Variants in PLOD1 observed in about 807,000 individuals in gnomAD.
PLOD1 encodes the protein procollagen-lysine,2-oxoglutarate 5-dioxygenase 1.
In PLOD1, 70 loss-of-function variants were observed where a neutral mutation model predicts 94.7. The ratio of observed to expected loss-of-function variants is 0.74; its 90% CI spans 0.61 to 0.90. The LOEUF is 0.90. Ranked by LOEUF, PLOD1 falls within the 40% of genes least tolerant of loss-of-function variation. The pLI is 0.00. For synonymous variants in PLOD1, 417 were observed against 400.2 expected (o/e 1.04, Z -0.50); for missense variants, 905 against 972.7 (o/e 0.93, Z 0.93).
At position 11,970,658 on chromosome 1, in the gene PLOD1, G is replaced by A. The variant is rs373669419; in HGVS notation, c.1756-12G>A. ...AGAATTCTGCCTAAACATTCACCTC[G>A]GTCACCTCCAGGACAACCGCATCCA... On this transcript the variant is annotated splice_polypyrimidine_tract_variant and intron_variant, in intron 16 of 18. Coordinates refer to ENST00000196061, the MANE Select transcript of PLOD1 (RefSeq NM_000302.4). 2.5e-6 allele frequency: 4 copies of A among 1,612,704 alleles called. No homozygotes were observed. In the South Asian group the frequency reaches 3.3e-5, roughly 13 times the overall value.
chr1:11,964,519 T>C, intron 12 of PLOD1, 125 bp from the exon 13 acceptor site: 1 of 991,718 alleles, frequency 1.0e-6, no homozygotes, highest in African/African-American at 1.6e-5. Flanking sequence ...TGTGCCCCCC[T>C]AGCCTGTGAC....
chr1:11,960,637 C>T lies in PLOD1; in HGVS notation c.976-9C>T. 1.2e-6 allele frequency: 2 copies of T among 1,608,866 alleles called. No homozygotes were observed. The highest frequency in any genetic ancestry group is 1.1e-5 in the South Asian group (1 of 90,918). ...ACCCCCGCATCCCCTTCCCCATCCC[C>T]AACCCCAGGAGCAGCACCACAAGGC... On this transcript the variant is annotated splice_polypyrimidine_tract_variant and intron_variant, in intron 9 of 18. Coordinates refer to ENST00000196061, the MANE Select transcript of PLOD1 (RefSeq NM_000302.4).
At chr1:11,967,616 A>ATATACATATATATATATATATATATATAT (rs35226154) in intron 16 of PLOD1, among the ~76,000 whole-genome samples, 2 of 75,134 alleles carry the variant, frequency 2.7e-5, no homozygotes, top group African/African-American at 1.3e-4. Flanking sequence ...TATATATATA[A>ATATACATATATATATATATATATATATAT]AAAGAAATAT....
intron 14 of PLOD1, among the ~76,000 whole-genome samples, chr1:11,965,830 C>T (rs932144815): frequency 2.0e-5 from 3 of 152,158 alleles, no homozygotes; most frequent in African/African-American, 7.2e-5. Flanking sequence ...GGTTTGTGGC[C>T]TAGATCTGCC....
chr1:11,936,301 G>A (rs564794527), intron 1 of PLOD1, among the ~76,000 whole-genome samples: 2 of 151,976 alleles, frequency 1.3e-5, no homozygotes, highest in African/African-American at 2.4e-5. Flanking sequence ...CTGAGTGGGT[G>A]CTTCCCTCCT....
Position 11,956,609 on chromosome 1 carries a change from C to G in PLOD1, c.644-308C>G, listed in dbSNP as rs141694342. Among the ~76,000 whole-genome samples, 157 of 152,202 alleles carry G rather than the reference C, an allele frequency of 1.0e-3. 4 individuals are homozygous for G. In the East Asian group the frequency reaches 0.027, roughly 26 times the overall value. ...CTGGAGCTGGGATGTTCCAGGTCTTCGTTCTTCTCCCAGCCCCTGCTTCTG... is the reference window on the plus strand; with the variant it reads ...CTGGAGCTGGGATGTTCCAGGTCTTGGTTCTTCTCCCAGCCCCTGCTTCTG... On this transcript the variant is annotated intron_variant, in intron 6 of 18. Coordinates refer to ENST00000196061, the MANE Select transcript of PLOD1 (RefSeq NM_000302.4).
chr1:11,941,568 C>T (rs1645615693), intron 1 of PLOD1, among the ~76,000 whole-genome samples: 1 of 152,068 alleles, frequency 6.6e-6, no homozygotes, highest in East Asian at 1.9e-4. Flanking sequence ...GCAACCTCTG[C>T]CTCCTGGGTC....
intron 1 of PLOD1, among the ~76,000 whole-genome samples, chr1:11,945,658 G>A (rs891487453): frequency 3.3e-5 from 5 of 152,088 alleles, no homozygotes; most frequent in African/African-American, 4.8e-5. Context: ...GCCAGGCCAA[G>A]GCATTTGCTT....
intron 1 of PLOD1, among the ~76,000 whole-genome samples, chr1:11,938,541 C>A (rs1645595209): frequency 6.6e-6 from 1 of 152,190 alleles, no homozygotes; most frequent in Non-Finnish European, 1.5e-5. Flanking sequence ...CCCTGCAGGT[C>A]TTGCCTGAGC....
Position 11,974,919 on chromosome 1 carries a change from C to A in PLOD1, c.*111C>A. 1.0e-6 allele frequency: 1 copy of A among 994,750 alleles called. No homozygotes were observed. The highest frequency in any genetic ancestry group is 1.6e-6 in the Non-Finnish European group (1 of 616,242). 61.6% of individuals were successfully genotyped at this position (994,750 alleles called of 1,614,324 possible). On this transcript the variant is annotated 3_prime_UTR_variant, in exon 19 of 19. Transcript: ENST00000196061. ...CCCAGTCCAGCCTCCTGGCTGTTGA[C>A]TTCCCATTGCTCTTGGAGCCACCAA...
At chr1:11,947,939 C>T (rs757269731) in intron 1 of PLOD1, 37 bp from the exon 2 acceptor site, 4 of 1,343,664 alleles carry the variant, frequency 3.0e-6, no homozygotes, top group Admixed American at 3.4e-5. Context: ...CTCCCTCATC[C>T]TCCATTCCCA....
At chr1:11,943,881 C>T (rs1645631519) in intron 1 of PLOD1, among the ~76,000 whole-genome samples, 1 of 152,154 alleles carries the variant, frequency 6.6e-6, no homozygotes, top group African/African-American at 2.4e-5. Flanking sequence ...ACATTACTCG[C>T]CAGCTGTACC....
chr1:11,949,944 CG>C, intron 3 of PLOD1, 38 bp downstream of exon 3: 1 of 1,605,264 alleles, frequency 6.2e-7, no homozygotes, highest in Non-Finnish European at 8.5e-7. Flanking sequence ...GGCCCCTCCG[CG>C]GAAGATAGAA....
rs1378307078 is a variant in PLOD1 at position 11,958,841 on chromosome 1, G to A, written c.975+194G>A. 6.6e-6 allele frequency among the ~76,000 whole-genome samples: 1 copy of A among 152,092 alleles called. No individual in the cohort carries two copies. Among genetic ancestry groups the A allele is most frequent in the Non-Finnish European group, 1.5e-5 (1 of 68,038 alleles). On this transcript the variant is annotated intron_variant, in intron 9 of 18. Coordinates refer to ENST00000196061, the MANE Select transcript of PLOD1 (RefSeq NM_000302.4). The surrounding 1 kb of genome is among the most constrained non-coding windows in gnomAD (Gnocchi z 4.3). ...CTGGGTGAGTTTGAATCCCAGCGCC[G>A]CTATTTTATTGGCTGTGTGACCTTG... is the stretch of plus-strand genomic sequence containing the variant.
At chr1:11,974,293 C>T (rs978399965) in intron 18 of PLOD1, among the ~76,000 whole-genome samples, 1 of 151,770 alleles carries the variant, frequency 6.6e-6, no homozygotes, top group Non-Finnish European at 1.5e-5. Flanking sequence ...TCAAGTGATT[C>T]TGTCTCAGCT....
At chr1:11,947,429 G>T (rs888594223) in intron 1 of PLOD1, among the ~76,000 whole-genome samples, 1 of 151,984 alleles carries the variant, frequency 6.6e-6, no homozygotes, top group East Asian at 1.9e-4. Flanking sequence ...AATTAGCCAG[G>T]TGTGGTGGCA....
intron 1 of PLOD1, among the ~76,000 whole-genome samples, chr1:11,947,098 G>A (rs1306003946): frequency 6.6e-6 from 1 of 151,964 alleles, no homozygotes; most frequent in Non-Finnish European, 1.5e-5. Context: ...ATGAAACCCC[G>A]CCTCTATTAA....
intron 16 of PLOD1, among the ~76,000 whole-genome samples, chr1:11,967,580 T>C (rs1435432914): frequency 4.7e-5 from 6 of 126,494 alleles, no homozygotes; most frequent in African/African-American, 7.3e-5. Context: ...TTTTTTTCTT[T>C]TCATGTGTGT....
chr1:11,972,972 T>C lies in PLOD1; in HGVS notation c.2003T>C (p.Leu668Pro). 6.2e-7 allele frequency: 1 copy of C among 1,614,020 alleles called. No homozygotes were observed. Among genetic ancestry groups the C allele is most frequent in the Non-Finnish European group, 8.5e-7 (1 of 1,179,986 alleles). The change falls in exon 18 of 19, where the codon CTG becomes CCG. Residue 668 changes from leucine (L) to proline (P), a missense_variant. Leu to Pro is a moderately conservative substitution (Grantham distance 98). Transcript: ENST00000196061. This position sits in a 1 kb window ranked among gnomAD's most constrained non-coding sequence, Gnocchi z 4.6. ...TCCACCTTCACCATCAACATCGCCC[T>C]GAACCGAGTCGGGGTGGATTACGAG... ...DASTFTINIA[L>P]NRVGVDYEGG...
Sources: gnomAD v4.1 joint callset for allele counts (sites outside exome capture counted in the v4.1 genomes callset) on GRCh38, gnomAD v4.1.1 for gene constraint, Gnocchi (gnomAD v3.1) non-coding constraint, MANE v1.5 for transcripts, NCBI Gene and HGNC (gene_info 2026-07-23, HGNC 2026-07-21) for gene names.